The following ITGA9 variants were observed in gnomAD, a reference collection of about 807,000 sequenced individuals.
The protein encoded by ITGA9 is integrin alpha-9.
Under a neutral mutation model 127.8 loss-of-function variants are expected in ITGA9, and 56 were observed. That is an observed-to-expected ratio of 0.44 (90% CI 0.35 to 0.55). The LOEUF (loss-of-function observed/expected upper bound fraction) is 0.55, where lower values mean the gene tolerates loss of function less well. Among genes scored for constraint, ITGA9 ranks in the 20% least tolerant of loss-of-function variants. The pLI, the probability that ITGA9 is intolerant of heterozygous loss-of-function variation, is 0.00. For synonymous variants in ITGA9, 508 were observed against 514.5 expected (o/e 0.99, Z 0.17); for missense variants, 1,196 against 1,347.1 (o/e 0.89, Z 1.76).
In ITGA9 at chr3:37,452,607, C is replaced by T; in HGVS notation, c.185+48C>T. On this transcript the variant is annotated intron_variant, in intron 1 of 27. Coordinates refer to ENST00000264741, the MANE Select transcript of ITGA9 (RefSeq NM_002207.3). The surrounding 1 kb of genome is among the most constrained non-coding windows in gnomAD (Gnocchi z 7.3). ...GACCCTGGCCCGCGCGGCCACCGCC[C>T]CGGCCCCCAGGCCAGCGCCGCCGCC... is the stretch of plus-strand genomic sequence containing the variant. 6.9e-7 allele frequency: 1 copy of T among 1,459,788 alleles called. No individual in the cohort carries two copies. The highest frequency in any genetic ancestry group is 9.1e-7 in the Non-Finnish European group (1 of 1,098,042). The allele number at this position is 1,459,788 out of a possible 1,614,324, so 90.4% of individuals were successfully genotyped here. A position where few individuals can be genotyped will look rare whatever the true frequency, so the allele number is the denominator to read the frequency against.
intron 18 of ITGA9, among the ~76,000 whole-genome samples, chr3:37,696,343 C>A (rs560135118): frequency 6.6e-6 from 1 of 152,312 alleles, no homozygotes; most frequent in East Asian, 1.9e-4. Flanking sequence ...AGTCTACTCC[C>A]TTCAGTATTT....
At chr3:37,479,637 C>T (rs535820629) in intron 3 of ITGA9, among the ~76,000 whole-genome samples, 2 of 152,292 alleles carry the variant, frequency 1.3e-5, no homozygotes, top group South Asian at 2.1e-4. Context: ...TGTCCTGGGA[C>T]ATGTGGCAGG....
chr3:37,684,063 C>T (rs747016828), intron 18 of ITGA9, 48 bp downstream of exon 18: 2 of 1,508,768 alleles, frequency 1.3e-6, no homozygotes, highest in East Asian at 2.3e-5. Context: ...ATCTGGTGCG[C>T]TTGCTGACTT....
intron 18 of ITGA9, among the ~76,000 whole-genome samples, chr3:37,702,765 G>T (rs1381293372): frequency 6.6e-6 from 1 of 152,024 alleles, no homozygotes; most frequent in Non-Finnish European, 1.5e-5. Flanking sequence ...AATCACAGTT[G>T]GGAAATGTGT....
At chr3:37,721,879 G>A (rs944314660) in intron 18 of ITGA9, among the ~76,000 whole-genome samples, 3 of 152,092 alleles carry the variant, frequency 2.0e-5, no homozygotes, top group South Asian at 2.1e-4. Context: ...ATTGTTGCGC[G>A]TTCCCCACCC....
chr3:37,564,092 G>T (rs1038760525), intron 15 of ITGA9, among the ~76,000 whole-genome samples: 1 of 152,200 alleles, frequency 6.6e-6, no homozygotes, highest in Non-Finnish European at 1.5e-5. Context: ...AGCTTTAGAA[G>T]CCCAGGCACG....
chr3:37,546,944 G>C (rs185194987), intron 15 of ITGA9, among the ~76,000 whole-genome samples: 1 of 152,316 alleles, frequency 6.6e-6, no homozygotes, highest in African/African-American at 2.4e-5. Context: ...CAGGCCTTTT[G>C]TGAGATCAAA....
Position 37,528,133 on chromosome 3 carries a change from T to G in ITGA9, c.1373+2062T>G, listed in dbSNP as rs185318025. On this transcript the variant is annotated intron_variant, in intron 13 of 27. Transcript: ENST00000264741. Reference sequence around the variant, plus strand: ...GCCATCTGGCTGAAGGTCCATCATATAGACTCTGCTTTCTCATCATTCTTG... The same window carrying G: ...GCCATCTGGCTGAAGGTCCATCATAGAGACTCTGCTTTCTCATCATTCTTG... Among the ~76,000 whole-genome samples the G allele has an allele frequency of 1.4e-3, 207 of 152,334 alleles. 7 individuals carry two copies. Among genetic ancestry groups the G allele is most frequent in the Admixed American group, 0.013 (204 of 15,300 alleles).
chr3:37,593,656 A>G (rs958481991), intron 15 of ITGA9, among the ~76,000 whole-genome samples: 4 of 152,250 alleles, frequency 2.6e-5, no homozygotes, highest in African/African-American at 9.6e-5. Context: ...AAGGCCCATC[A>G]CAGTGGGAGT....
At chr3:37,638,885 CTA>C (rs759481973) in intron 16 of ITGA9, among the ~76,000 whole-genome samples, 1 of 152,140 alleles carries the variant, frequency 6.6e-6, no homozygotes, top group Non-Finnish European at 1.5e-5. Context: ...AGGCTTTTTG[CTA>C]TGAGTTAGGA....
At chr3:37,564,580 C>T (rs1699527091) in intron 15 of ITGA9, among the ~76,000 whole-genome samples, 1 of 152,226 alleles carries the variant, frequency 6.6e-6, no homozygotes, top group Non-Finnish European at 1.5e-5. Context: ...TTCTCTTCCT[C>T]CCTTGTCATT....
chr3:37,744,875 G>T (rs1248237975), intron 22 of ITGA9, among the ~76,000 whole-genome samples: 4 of 152,218 alleles, frequency 2.6e-5, no homozygotes, highest in Non-Finnish European at 4.4e-5. Flanking sequence ...TATCCTGAAG[G>T]TCCCAGAGCT....
At chr3:37,499,948 A>G (rs932957105) in intron 5 of ITGA9, among the ~76,000 whole-genome samples, 12 of 152,148 alleles carry the variant, frequency 7.9e-5, no homozygotes, top group Admixed American at 4.6e-4. Flanking sequence ...CCTGCCCCCA[A>G]TGTTCCGAAG....
chr3:37,717,483 G>A (rs1701147340), intron 18 of ITGA9, among the ~76,000 whole-genome samples: 2 of 152,196 alleles, frequency 1.3e-5, no homozygotes, highest in Non-Finnish European at 2.9e-5. Context: ...CAGTTCCACA[G>A]GCTTCACAGG....
Position 37,471,669 on chromosome 3 carries a change from T to G in ITGA9, c.313+535T>G, listed in dbSNP as rs1698432398. On this transcript the variant is annotated intron_variant, in intron 2 of 27. Transcript: ENST00000264741. ...CAGGCCAGGGCAATGTGCTGGAATTTTATTCTGTGTGTGAGTGGGGAGGCC... is the reference window on the plus strand; with the variant it reads ...CAGGCCAGGGCAATGTGCTGGAATTGTATTCTGTGTGTGAGTGGGGAGGCC... Among the ~76,000 whole-genome samples, 3 of 152,164 alleles carry G rather than the reference T, an allele frequency of 2.0e-5. No homozygotes were observed. In the South Asian group the frequency reaches 6.2e-4, roughly 31 times the overall value.
At position 37,653,709 on chromosome 3, in the gene ITGA9, C is replaced by A; in HGVS notation, c.1840-5C>A. ...CCTAACCTTCCTCTCCTGTCTTTCT[C>A]ACAGACTGTTTTTGAAAGGAATTGC... On this transcript the variant is annotated splice_region_variant and splice_polypyrimidine_tract_variant and intron_variant, in intron 16 of 27. Coordinates refer to ENST00000264741, the MANE Select transcript of ITGA9 (RefSeq NM_002207.3). The A allele has an allele frequency of 6.2e-7, 1 of 1,611,378 alleles. No individual in the cohort carries two copies. Among genetic ancestry groups the A allele is most frequent in the Non-Finnish European group, 8.5e-7 (1 of 1,177,504 alleles).
chr3:37,518,093 C>CGCGTGTGTGTGTGT (rs368577036), intron 10 of ITGA9, among the ~76,000 whole-genome samples: 32 of 144,214 alleles, frequency 2.2e-4, no homozygotes, highest in African/African-American at 7.4e-4. Context: ...AGAGTGTACG[C>CGCGTGTGTGTGTGT]GTGTGTGTGT....
At chr3:37,534,514 G>A (rs1699189683) in intron 14 of ITGA9, among the ~76,000 whole-genome samples, 1 of 152,240 alleles carries the variant, frequency 6.6e-6, no homozygotes, top group Non-Finnish European at 1.5e-5. Flanking sequence ...GCCCACTCAT[G>A]CAGAAATATT....
rs1487417479 is a variant in ITGA9 at position 37,452,736 on chromosome 3, G to T, written c.185+177G>T. 2.0e-5 allele frequency among the ~76,000 whole-genome samples: 3 copies of T among 152,074 alleles called. No homozygotes were observed. Among genetic ancestry groups the T allele is most frequent in the Admixed American group, 2.0e-4 (3 of 15,280 alleles). ...GGACGGCGGGAGAAGGGAGGACGCC[G>T]TCCGGGGCCCGCTAAGGTCGGGGTC... On this transcript the variant is annotated intron_variant, in intron 1 of 27. Coordinates refer to ENST00000264741, the MANE Select transcript of ITGA9 (RefSeq NM_002207.3). The surrounding 1 kb of genome is among the most constrained non-coding windows in gnomAD (Gnocchi z 7.3).
Sources: allele counts gnomAD v4.1 joint callset (sites outside exome capture counted in the v4.1 genomes callset), GRCh38; gene constraint gnomAD v4.1.1; non-coding constraint Gnocchi (gnomAD v3.1); transcripts MANE v1.5; gene names NCBI Gene and HGNC (gene_info 2026-07-23, HGNC 2026-07-21).